Variants in ZNF12 observed in about 807,000 individuals in gnomAD.
The protein encoded by ZNF12 is gonadotropin inducible transcription repressor 3.
In ZNF12, 34 loss-of-function variants were observed where a neutral mutation model predicts 66.6. The ratio of observed to expected loss-of-function variants is 0.51; its 90% CI spans 0.39 to 0.68. The LOEUF (loss-of-function observed/expected upper bound fraction) is 0.68. ZNF12 is among the 30% of genes least tolerant of loss of function. The pLI is 0.00. For synonymous variants in ZNF12, 320 were observed against 278.9 expected (o/e 1.15, Z -1.47); for missense variants, 697 against 826.9 (o/e 0.84, Z 1.93).
rs1321165205 is a variant in ZNF12 at position 6,697,120 on chromosome 7, G to C, written c.238+219C>G. On this transcript the variant is annotated intron_variant, in intron 4 of 4. Transcript: ENST00000405858. The surrounding 1 kb of genome is among the most constrained non-coding windows in gnomAD (Gnocchi z 6.1). ...AGACCCAAAGTTTAAGAGAACAACA[G>C]AAGTGACTGGAATTCGATTCTTGGG... Among the ~76,000 whole-genome samples the C allele has an allele frequency of 6.6e-6, 1 of 152,108 alleles. No homozygotes were observed.
chr7:6,693,965 C>T (rs1236396138), intron 4 of ZNF12, among the ~76,000 whole-genome samples: 3 of 151,748 alleles, frequency 2.0e-5, no homozygotes, highest in Admixed American at 6.6e-5. Context: ...GTCAGGAGTT[C>T]GAGACCAGCC....
rs140814420 is a variant in ZNF12, at chr7:6,696,801, G to A, written c.238+538C>T. ...AGTCACCAAATTTCAGGAGGGCTGG[G>A]TCTCAGGAATGAGCAGCACTGTCCA... On this transcript the variant is annotated intron_variant, in intron 4 of 4. Transcript: ENST00000405858. This position sits in a 1 kb window ranked among gnomAD's most constrained non-coding sequence, Gnocchi z 4.0. 1.1e-4 allele frequency among the ~76,000 whole-genome samples: 16 copies of A among 152,170 alleles called. No homozygotes were observed. The East Asian group carries it at 3.1e-3, about 29-fold the overall frequency.
rs1780175524 is a variant in ZNF12, at chr7:6,697,823, C to A, written c.16-12G>T. On this transcript the variant is annotated splice_polypyrimidine_tract_variant and intron_variant, in intron 2 of 4. Transcript: ENST00000405858. The surrounding 1 kb of genome is among the most constrained non-coding windows in gnomAD (Gnocchi z 6.1). Reference sequence around the variant, plus strand: ...AATGACACTGGCCCCTGAAATGGCACCGTGATTGGAATTGGGTGACGTGAA... The same window carrying A: ...AATGACACTGGCCCCTGAAATGGCAACGTGATTGGAATTGGGTGACGTGAA... The A allele has an allele frequency of 6.2e-7, 1 of 1,613,884 alleles. No homozygotes were observed. The highest frequency in any genetic ancestry group is 1.3e-5 in the African/African-American group (1 of 74,888).
intron 2 of ZNF12, among the ~76,000 whole-genome samples, chr7:6,701,155 A>C (rs1367804499): frequency 2.0e-5 from 3 of 152,130 alleles, no homozygotes; most frequent in African/African-American, 7.2e-5. Flanking sequence ...GGATGCATTT[A>C]AAATCAGACT....
chr7:6,695,073 G>A (rs960303428), intron 4 of ZNF12, among the ~76,000 whole-genome samples: 8 of 152,106 alleles, frequency 5.3e-5, no homozygotes, highest in African/African-American at 1.4e-4. Context: ...ACAGGCATGC[G>A]CCACCAGGCC....
intron 1 of ZNF12, among the ~76,000 whole-genome samples, chr7:6,706,028 T>A (rs1200955213): frequency 6.6e-6 from 1 of 152,188 alleles, no homozygotes; most frequent in African/African-American, 2.4e-5. Context: ...ACCCACCTGC[T>A]AAGGCCCTTC....
chr7:6,692,297 T>C lies in ZNF12; in HGVS notation c.645A>G (p.Lys215=). ...SLYQKIRILE[K]PFEYIECQKA... ...TCTGGCATTCAATATATTCAAAAGGTTTCTCCAAAATACGAATTTTCTGAT... is the reference window on the plus strand; with the variant it reads ...TCTGGCATTCAATATATTCAAAAGGCTTCTCCAAAATACGAATTTTCTGAT... Residue 215 remains lysine, a synonymous_variant, in exon 5 of 5, where the codon AAA becomes AAG. Coordinates refer to ENST00000405858, the MANE Select transcript of ZNF12 (RefSeq NM_016265.4). This position sits in a 1 kb window ranked among gnomAD's most constrained non-coding sequence, Gnocchi z 5.1. The C allele has an allele frequency of 6.2e-7, 1 of 1,610,792 alleles. No individual in the cohort carries two copies.
Position 6,689,480 on chromosome 7 carries a change from G to A in ZNF12, c.*1368C>T, listed in dbSNP as rs533642623. ...CCACTGTAAATCAACTGCTGGCAAC[G>A]AGAAGGGGAGTGTCACTGGTTAAAA... On this transcript the variant is annotated 3_prime_UTR_variant, in exon 5 of 5. Transcript: ENST00000405858. The A allele has an allele frequency of 2.0e-5, 3 of 152,384 alleles. No homozygotes were observed. The highest frequency in any genetic ancestry group is 2.1e-4 in the South Asian group (1 of 4,824). The allele number at this position is 152,384 out of a possible 1,614,324, so 9.4% of individuals were successfully genotyped here.
rs1476430161 is a variant in ZNF12, at chr7:6,691,451, T to C, written c.1491A>G (p.Glu497=). ...ACAACTGGGAGAATAACTTTCCACA[T>C]TCATTACATTCGTAAGGTTTCTCTC... The part of the protein sequence containing the change: ...HTGEKPYECN[E]CGKLFSQLSY... The change falls in exon 5 of 5, where the codon GAA becomes GAG. Residue 497 remains glutamate (E), a synonymous_variant. Coordinates refer to ENST00000405858, the MANE Select transcript of ZNF12 (RefSeq NM_016265.4). 1.2e-6 allele frequency: 2 copies of C among 1,613,946 alleles called. No individual in the cohort carries two copies. Among genetic ancestry groups the C allele is most frequent in the Non-Finnish European group, 1.7e-6 (2 of 1,179,972 alleles).
rs1227524244 is a variant in ZNF12, at chr7:6,698,372, C to T, written c.16-561G>A. Among the ~76,000 whole-genome samples the T allele has an allele frequency of 2.6e-5, 4 of 152,096 alleles. No individual in the cohort carries two copies. The highest frequency in any genetic ancestry group is 2.1e-4 in the South Asian group (1 of 4,820). ...CTGGCTAATTTAATTACCATCTATA[C>T]ACCAACATTTTCCAAATTTACATCA... On this transcript the variant is annotated intron_variant, in intron 2 of 4. Coordinates refer to ENST00000405858, the MANE Select transcript of ZNF12 (RefSeq NM_016265.4). The surrounding 1 kb of genome is among the most constrained non-coding windows in gnomAD (Gnocchi z 4.4).
rs1764160820 is a variant in ZNF12, at chr7:6,697,625, T to C, written c.142+60A>G. 1.9e-6 allele frequency: 3 copies of C among 1,605,310 alleles called. No individual in the cohort carries two copies. The highest frequency in any genetic ancestry group is 1.7e-5 in the Admixed American group (1 of 59,340). On this transcript the variant is annotated intron_variant, in intron 3 of 4. Transcript: ENST00000405858. The surrounding 1 kb of genome is among the most constrained non-coding windows in gnomAD (Gnocchi z 6.1). ...CGTCCCATCAAATTTTAAGTTAAAG[T>C]CATAAAATTTGTGAGAAATCCCATA...
chr7:6,699,306 C>T (rs1780198185), intron 2 of ZNF12, among the ~76,000 whole-genome samples: 1 of 152,162 alleles, frequency 6.6e-6, no homozygotes, highest in Non-Finnish European at 1.5e-5. Flanking sequence ...CTGGAATGAT[C>T]CATGAGTGCA....
At chr7:6,702,462 C>CACACAT (rs1780266582) in intron 2 of ZNF12, among the ~76,000 whole-genome samples, 1 of 72,480 alleles carries the variant, frequency 1.4e-5, no homozygotes, top group Admixed American at 1.4e-4. Flanking sequence ...AAACTCCACA[C>CACACAT]GCACCAGATT....
chr7:6,697,682 C>T lies in ZNF12; in HGVS notation c.142+3G>A. ...AGCAACTGAGAAAGCAAGCTATCCTCACCCACAGAAACTAGATTGCTGTAG... is the reference window on the plus strand; with the variant it reads ...AGCAACTGAGAAAGCAAGCTATCCTTACCCACAGAAACTAGATTGCTGTAG... On this transcript the variant is annotated splice_donor_region_variant and intron_variant, in intron 3 of 4. Coordinates refer to ENST00000405858, the MANE Select transcript of ZNF12 (RefSeq NM_016265.4). This position sits in a 1 kb window ranked among gnomAD's most constrained non-coding sequence, Gnocchi z 6.1. 2 of 1,614,054 alleles carry T rather than the reference C, an allele frequency of 1.2e-6. No homozygotes were observed. Among genetic ancestry groups the T allele is most frequent in the Non-Finnish European group, 1.7e-6 (2 of 1,179,944 alleles).
Position 6,690,743 on chromosome 7 carries a change from C to A in ZNF12, c.*105G>T. On this transcript the variant is annotated 3_prime_UTR_variant, in exon 5 of 5. Transcript: ENST00000405858. ...AGTCCAACACACAAGGGGATGTCCA[C>A]ACTAACCTGTGTGAACTCTCTGATG... is the stretch of plus-strand genomic sequence containing the variant. 8.3e-7 allele frequency: 1 copy of A among 1,206,394 alleles called. No individual in the cohort carries two copies. The highest frequency in any genetic ancestry group is 1.1e-6 in the Non-Finnish European group (1 of 883,534). The allele number at this position is 1,206,394 out of a possible 1,614,324, so 74.7% of individuals were successfully genotyped here. A position where few individuals can be genotyped will look rare whatever the true frequency, so the allele number is the denominator to read the frequency against.
At chr7:6,701,972 T>A (rs1043982502) in intron 2 of ZNF12, among the ~76,000 whole-genome samples, 11 of 143,920 alleles carry the variant, frequency 7.6e-5, no homozygotes, top group Non-Finnish European at 1.2e-4. Flanking sequence ...AAAAAAAAAA[T>A]TCTCAATAGA....
Position 6,691,341 on chromosome 7 carries a change from G to T in ZNF12, c.1601C>A (p.Ser534Ter). ...TATTCTCCGATGTCTACAAAGGGCTGAGTTCTGGTAGAAGGTTTTCCCACA... is the reference window on the plus strand; with the variant it reads ...TATTCTCCGATGTCTACAAAGGGCTTAGTTCTGGTAGAAGGTTTTCCCACA... Reference protein sequence around the residue: ...SECGKTFYQNSALCRHRRIHK... With the variant: ...SECGKTFYQN The change falls in exon 5 of 5, where the codon TCA becomes TAA. Residue 534 changes from serine (S) to a stop codon, truncating the protein, a stop_gained. Transcript: ENST00000405858. LOFTEE classifies it high-confidence loss of function. The T allele has an allele frequency of 6.2e-7, 1 of 1,613,960 alleles. No homozygotes were observed. Among genetic ancestry groups the T allele is most frequent in the Non-Finnish European group, 8.5e-7 (1 of 1,179,878 alleles).
intron 2 of ZNF12, among the ~76,000 whole-genome samples, chr7:6,699,329 C>G (rs902920174): frequency 1.3e-5 from 2 of 152,194 alleles, no homozygotes; most frequent in South Asian, 4.1e-4. Context: ...CTGGGTTCTA[C>G]TGACTCCCTG....
At position 6,706,477 on chromosome 7, in the gene ZNF12, G is replaced by A. The variant is rs577258555; in HGVS notation, c.-96C>T. On this transcript the variant is annotated 5_prime_UTR_variant, in exon 1 of 5. Coordinates refer to ENST00000405858, the MANE Select transcript of ZNF12 (RefSeq NM_016265.4). ...TCTGCCCCACCGCTCCCGACAGGCC[G>A]GGGCGGGATTGCTGTCGCGGGCGCG... 1.7e-4 allele frequency: 82 copies of A among 476,018 alleles called. No homozygotes were observed. Among genetic ancestry groups the A allele is most frequent in the African/African-American group, 1.6e-3 (79 of 50,792 alleles). The allele number at this position is 476,018 out of a possible 1,614,324, so 29.5% of individuals were successfully genotyped here.
Sources: gnomAD v4.1 joint callset for allele counts (sites outside exome capture counted in the v4.1 genomes callset) on GRCh38, gnomAD v4.1.1 for gene constraint, Gnocchi (gnomAD v3.1) non-coding constraint, MANE v1.5 for transcripts, NCBI Gene and HGNC (gene_info 2026-07-23, HGNC 2026-07-21) for gene names.